The following KCNAB1 variants were observed in gnomAD, a reference collection of about 807,000 sequenced individuals.
The protein encoded by KCNAB1 is voltage-gated potassium channel subunit beta-1.
A neutral mutation model predicts 64.6 loss-of-function variants in KCNAB1; 35 were observed. The ratio of observed to expected loss-of-function variants is 0.54; its 90% CI spans 0.41 to 0.72. The LOEUF (loss-of-function observed/expected upper bound fraction) is 0.72. Among genes scored for constraint, KCNAB1 ranks in the 30% least tolerant of loss-of-function variants. The probability of loss-of-function intolerance (pLI) is 0.00; values close to 1 mark genes in which losing one functional copy is unlikely to be tolerated. For missense variants in KCNAB1, 401 were observed against 512.9 expected, an observed-to-expected ratio of 0.78 and a Z score of 2.11; for synonymous variants, 177 against 183.8, an observed-to-expected ratio of 0.96 and a Z score of 0.30.
At chr3:156,157,943 C>T (rs1474206601) in intron 1 of KCNAB1, among the ~76,000 whole-genome samples, 1 of 151,792 alleles carries the variant, frequency 6.6e-6, no homozygotes, top group Non-Finnish European at 1.5e-5. Flanking sequence ...GCAGGGGGAT[C>T]ACGAGGTCAG....
chr3:156,512,678 C>T (rs180995794), intron 8 of KCNAB1, among the ~76,000 whole-genome samples: 376 of 152,356 alleles, frequency 2.5e-3, no homozygotes, highest in Admixed American at 6.3e-3. Flanking sequence ...AGGCACGCAT[C>T]TCCATTTGTA....
chr3:156,295,584 T>TA lies in KCNAB1; in HGVS notation c.276-126024dup, dbSNP rs200824929. 8.6e-3 allele frequency among the ~76,000 whole-genome samples: 1,307 copies of TA among 152,190 alleles called. 19 individuals are homozygous for TA. Among genetic ancestry groups the TA allele is most frequent in the African/African-American group, 0.03 (1,241 of 41,534 alleles). On this transcript the variant is annotated intron_variant, in intron 1 of 13. Transcript: ENST00000490337. The stretch of plus-strand genomic sequence containing the variant: ...CTGGTTATTGTTTGAAGGCAGAAGA[T>TA]AAAAAAAATCTACTAGAACATTCTG...
chr3:156,519,915 G>A (rs1717826924), intron 11 of KCNAB1, among the ~76,000 whole-genome samples: 1 of 152,182 alleles, frequency 6.6e-6, no homozygotes, highest in African/African-American at 2.4e-5. Flanking sequence ...GTGGCCAAAA[G>A]GGTAAGGTAC....
At chr3:156,440,350 T>C (rs979465551) in intron 2 of KCNAB1, among the ~76,000 whole-genome samples, 2 of 152,374 alleles carry the variant, frequency 1.3e-5, no homozygotes, top group African/African-American at 4.8e-5. Flanking sequence ...ACTATGGTTA[T>C]AACATCATCA....
In KCNAB1 at chr3:156,158,186, ATAAATAAATAAAT is replaced by A. The variant is rs1715862444; in HGVS notation, c.275+37301_275+37313del. The stretch of plus-strand genomic sequence containing the variant: ...TCTCAAAAAAAAAAATAAAAAATAA[ATAAATAAATAAAT>A]AAATAAATAAATAAATAAATAAATG... On this transcript the variant is annotated intron_variant, in intron 1 of 13. Transcript: ENST00000490337. 2.2e-5 allele frequency among the ~76,000 whole-genome samples: 2 copies of A among 89,020 alleles called. 1 individual carries two copies. Among genetic ancestry groups the A allele is most frequent in the Admixed American group, 3.3e-4 (2 of 6,050 alleles). The allele number at this position is 89,020 out of a possible 152,430, so 58.4% of individuals were successfully genotyped here.
Position 156,264,950 on chromosome 3 carries a change from A to G in KCNAB1, c.275+144064A>G, listed in dbSNP as rs181384022. On this transcript the variant is annotated intron_variant, in intron 1 of 13. Transcript: ENST00000490337. Reference sequence around the variant, plus strand: ...CCCCAACTACTATCTTGAGTTGTCCAGATTCCAGGCTTTCTTTTTAATGAG... The same window carrying G: ...CCCCAACTACTATCTTGAGTTGTCCGGATTCCAGGCTTTCTTTTTAATGAG... 1.3e-3 allele frequency among the ~76,000 whole-genome samples: 196 copies of G among 152,328 alleles called. No homozygotes were observed. In the South Asian group the frequency reaches 0.017, roughly 13 times the overall value.
chr3:156,170,486 C>T (rs571395596), intron 1 of KCNAB1, among the ~76,000 whole-genome samples: 7 of 152,188 alleles, frequency 4.6e-5, no homozygotes, highest in East Asian at 1.9e-4. Flanking sequence ...TCATCCTGGC[C>T]GTGCTCCAGA....
At chr3:156,323,398 T>G (rs918108239) in intron 1 of KCNAB1, among the ~76,000 whole-genome samples, 2 of 152,156 alleles carry the variant, frequency 1.3e-5, no homozygotes, top group African/African-American at 4.8e-5. Context: ...TGTATACAGA[T>G]TTGTGTTTAT....
chr3:156,290,602 A>C (rs765996646), intron 1 of KCNAB1, among the ~76,000 whole-genome samples: 1 of 152,182 alleles, frequency 6.6e-6, no homozygotes, highest in Non-Finnish European at 1.5e-5. Context: ...GGGATGTCCT[A>C]CTGCCCACCT....
At chr3:156,244,172 A>G (rs1453571162) in intron 1 of KCNAB1, among the ~76,000 whole-genome samples, 1 of 152,140 alleles carries the variant, frequency 6.6e-6, no homozygotes, top group Non-Finnish European at 1.5e-5. Context: ...GTAGTCTAAA[A>G]CCGAAGTGTC....
intron 1 of KCNAB1, among the ~76,000 whole-genome samples, chr3:156,177,153 T>C (rs1477628737): frequency 6.6e-6 from 1 of 152,134 alleles, no homozygotes; most frequent in Non-Finnish European, 1.5e-5. Flanking sequence ...TGCATTTGAA[T>C]AGTACGAAAT....
intron 1 of KCNAB1, among the ~76,000 whole-genome samples, chr3:156,221,996 C>G (rs1305218728): frequency 6.6e-6 from 1 of 152,002 alleles, no homozygotes; most frequent in African/African-American, 2.4e-5. Flanking sequence ...ACCTATATAA[C>G]AATAACACAA....
At chr3:156,269,957 C>T (rs1409154128) in intron 1 of KCNAB1, among the ~76,000 whole-genome samples, 2 of 148,940 alleles carry the variant, frequency 1.3e-5, no homozygotes, top group Non-Finnish European at 3.0e-5. Flanking sequence ...ACTCTGTCAC[C>T]CAGACTGGAG....
chr3:156,161,997 A>G lies in KCNAB1; in HGVS notation c.275+41111A>G, dbSNP rs560179768. On this transcript the variant is annotated intron_variant, in intron 1 of 13. Transcript: ENST00000490337. ...AAAACCAAAACCGAAAACTACTCAC[A>G]TAGCATTCTTAAATACGACAGGGTT... 2.0e-5 allele frequency among the ~76,000 whole-genome samples: 3 copies of G among 152,374 alleles called. No homozygotes were observed. In the South Asian group the frequency reaches 6.2e-4, roughly 32 times the overall value.
chr3:156,458,049 C>T (rs184730031), intron 4 of KCNAB1, among the ~76,000 whole-genome samples: 2 of 152,296 alleles, frequency 1.3e-5, no homozygotes, highest in East Asian at 1.9e-4. Context: ...AAAGATTAGA[C>T]GTCAAAGTCA....
intron 2 of KCNAB1, among the ~76,000 whole-genome samples, chr3:156,426,133 C>T (rs1439846594): frequency 6.6e-6 from 1 of 152,134 alleles, no homozygotes; most frequent in Non-Finnish European, 1.5e-5. Flanking sequence ...AGCCATTTAG[C>T]TCTTGTCTTC....
At chr3:156,492,104 A>G (rs1715675169) in intron 8 of KCNAB1, among the ~76,000 whole-genome samples, 1 of 152,174 alleles carries the variant, frequency 6.6e-6, no homozygotes, top group Non-Finnish European at 1.5e-5. Context: ...TAGTGCTCCT[A>G]TAAAAATGTA....
At chr3:156,469,629 TGAAATTCAAGC>T (rs1713730249) in intron 7 of KCNAB1, among the ~76,000 whole-genome samples, 1 of 152,224 alleles carries the variant, frequency 6.6e-6, no homozygotes, top group East Asian at 1.9e-4. Context: ...CCAGTTCAGC[TGAAATTCAAGC>T]TGACCCAGAT....
At chr3:156,486,701 A>AG (rs11391501) in intron 8 of KCNAB1, among the ~76,000 whole-genome samples, 6,747 of 152,196 alleles carry the variant, frequency 0.044, 440 homozygotes, top group African/African-American at 0.14. Context: ...GGCCTCCTGG[A>AG]GGATGAAGGC....
Sources: allele counts gnomAD v4.1 joint callset (sites outside exome capture counted in the v4.1 genomes callset), GRCh38; gene constraint gnomAD v4.1.1; transcripts MANE v1.5; gene names NCBI Gene and HGNC (gene_info 2026-07-23, HGNC 2026-07-21).